The following STXBP5L variants were observed in gnomAD, a reference collection of about 807,000 sequenced individuals.
The protein encoded by STXBP5L is syntaxin binding protein 5L.
A neutral mutation model predicts 144.5 loss-of-function variants in STXBP5L; 65 were observed. The ratio of observed to expected loss-of-function variants is 0.45; its 90% confidence interval spans 0.37 to 0.55. STXBP5L has a LOEUF of 0.55. Ranked by LOEUF, STXBP5L falls within the 20% of genes least tolerant of loss-of-function variation. The pLI, the probability that STXBP5L is intolerant of heterozygous loss-of-function variation, is 0.00. For synonymous variants in STXBP5L, 505 were observed against 469.6 expected, an observed-to-expected ratio of 1.08 and a Z score of -0.97; for missense variants, 1,298 against 1,405.5, an observed-to-expected ratio of 0.92 and a Z score of 1.22.
chr3:121,366,559 C>T (rs970652369), intron 20 of STXBP5L, among the ~76,000 whole-genome samples: 7 of 151,954 alleles, frequency 4.6e-5, no homozygotes, highest in African/African-American at 1.7e-4. Context: ...GATATGGCTA[C>T]CCCACTCTGT....
At chr3:121,253,580 T>C (rs2050097348) in intron 15 of STXBP5L, among the ~76,000 whole-genome samples, 3 of 149,860 alleles carry the variant, frequency 2.0e-5, no homozygotes. Flanking sequence ...TTTGCAAATT[T>C]ATATATATAC....
intron 22 of STXBP5L, among the ~76,000 whole-genome samples, chr3:121,402,856 G>T (rs577483020): frequency 2.7e-4 from 41 of 152,038 alleles, no homozygotes; most frequent in Non-Finnish European, 2.6e-4. Context: ...TATAGATGAG[G>T]TCTCACTCTG....
At chr3:121,040,795 A>G (rs562113739) in intron 3 of STXBP5L, among the ~76,000 whole-genome samples, 2 of 152,182 alleles carry the variant, frequency 1.3e-5, no homozygotes, top group South Asian at 2.1e-4. Context: ...CTCGCCTTAT[A>G]TATTTTCTCT....
chr3:121,065,471 T>C (rs377235910), intron 5 of STXBP5L, among the ~76,000 whole-genome samples: 1 of 152,228 alleles, frequency 6.6e-6, no homozygotes, highest in East Asian at 1.9e-4. Context: ...TCTATTGCTA[T>C]ATAACAATGT....
chr3:121,295,847 T>C (rs1037314353), intron 19 of STXBP5L, among the ~76,000 whole-genome samples: 1 of 152,184 alleles, frequency 6.6e-6, no homozygotes, highest in Non-Finnish European at 1.5e-5. Context: ...AATAATTTAG[T>C]AAGCAAAAAT....
In STXBP5L at chr3:121,232,891, G is replaced by A. The variant is rs181678436; in HGVS notation, c.1112-725G>A. Reference sequence around the variant, plus strand: ...GTATGCTCTGACTGGATCCTTCCCTGGTGTGATACCAGGGCTCTATCTGAT... The same window carrying A: ...GTATGCTCTGACTGGATCCTTCCCTAGTGTGATACCAGGGCTCTATCTGAT... On this transcript the variant is annotated intron_variant, in intron 11 of 26. Coordinates refer to ENST00000471454, the MANE Select transcript of STXBP5L (RefSeq NM_001308330.2). Among the ~76,000 whole-genome samples, 551 of 152,198 alleles carry A rather than the reference G, an allele frequency of 3.6e-3. 2 individuals are homozygous for A. Among genetic ancestry groups the A allele is most frequent in the Admixed American group, 9.0e-3 (137 of 15,270 alleles).
intron 3 of STXBP5L, among the ~76,000 whole-genome samples, chr3:120,958,706 C>T (rs1051501783): frequency 1.4e-4 from 22 of 152,120 alleles, no homozygotes; most frequent in Admixed American, 1.0e-3. Flanking sequence ...ATTCAACAGC[C>T]CTTCATGCTA....
At chr3:121,251,472 T>C (rs933464852) in intron 15 of STXBP5L, among the ~76,000 whole-genome samples, 1 of 152,096 alleles carries the variant, frequency 6.6e-6, no homozygotes, top group African/African-American at 2.4e-5. Flanking sequence ...GGAGTTAACA[T>C]TTAGTGTGAG....
chr3:121,246,393 T>C (rs1223695120), intron 14 of STXBP5L, among the ~76,000 whole-genome samples: 1 of 152,144 alleles, frequency 6.6e-6, no homozygotes, highest in Non-Finnish European at 1.5e-5. Flanking sequence ...AGACCACACA[T>C]CTGTAGATGC....
intron 8 of STXBP5L, among the ~76,000 whole-genome samples, chr3:121,153,452 G>T (rs2046002477): frequency 6.6e-6 from 1 of 151,840 alleles, no homozygotes; most frequent in Admixed American, 6.6e-5. Flanking sequence ...ATCTTATATA[G>T]GAAAAGTGCC....
At chr3:121,375,248 T>C (rs1406786626) in intron 20 of STXBP5L, among the ~76,000 whole-genome samples, 1 of 152,130 alleles carries the variant, frequency 6.6e-6, no homozygotes. Flanking sequence ...CATACAGATA[T>C]GGAAAGTTCA....
At chr3:121,310,392 C>T (rs756139961) in intron 19 of STXBP5L, among the ~76,000 whole-genome samples, 5 of 151,880 alleles carry the variant, frequency 3.3e-5, no homozygotes, top group East Asian at 1.9e-4. Flanking sequence ...GGGTGGATCA[C>T]GAGGTCAGGA....
chr3:121,019,863 G>T (rs1016014696), intron 3 of STXBP5L, among the ~76,000 whole-genome samples: 5 of 152,018 alleles, frequency 3.3e-5, no homozygotes, highest in African/African-American at 4.8e-5. Flanking sequence ...ACAAAACAAG[G>T]TTCTTTGACA....
intron 5 of STXBP5L, among the ~76,000 whole-genome samples, chr3:121,066,538 C>T (rs1010060982): frequency 2.0e-5 from 3 of 151,872 alleles, no homozygotes; most frequent in Non-Finnish European, 4.4e-5. Flanking sequence ...TGTTAGATGA[C>T]CCTTGCATTC....
chr3:121,412,933 C>T (rs1396974497), intron 23 of STXBP5L, among the ~76,000 whole-genome samples: 1 of 151,856 alleles, frequency 6.6e-6, no homozygotes, highest in Non-Finnish European at 1.5e-5. Context: ...ACTCAGGAGG[C>T]TGAGGCGTGA....
rs550346367 is a variant in STXBP5L, at chr3:121,026,536, T to C, written c.288-15164T>C. 3.3e-5 allele frequency among the ~76,000 whole-genome samples: 5 copies of C among 152,232 alleles called. No homozygotes were observed. In the South Asian group the frequency reaches 1.0e-3, roughly 32 times the overall value. ...TCTTGTTCACTGATATATCCTCATA[T>C]GTACAACAGTGCTCAATGGTTTGGC... On this transcript the variant is annotated intron_variant, in intron 3 of 26. Transcript: ENST00000471454.
At chr3:121,275,995 T>G (rs900242461) in intron 18 of STXBP5L, among the ~76,000 whole-genome samples, 3 of 152,034 alleles carry the variant, frequency 2.0e-5, no homozygotes, top group African/African-American at 7.2e-5. Context: ...GTCATTTACA[T>G]TAATATACTT....
chr3:121,135,286 T>C (rs2045196034), intron 7 of STXBP5L, among the ~76,000 whole-genome samples: 1 of 152,174 alleles, frequency 6.6e-6, no homozygotes, highest in African/African-American at 2.4e-5. Context: ...TTGTTTGAGT[T>C]CTTTGTAGAT....
intron 5 of STXBP5L, among the ~76,000 whole-genome samples, chr3:121,092,676 G>T (rs2042877650): frequency 6.6e-6 from 1 of 152,228 alleles, no homozygotes; most frequent in Non-Finnish European, 1.5e-5. Flanking sequence ...TTTGGGCTGA[G>T]ACAGTGGGGT....
Sources: gnomAD v4.1 joint callset for allele counts (sites outside exome capture counted in the v4.1 genomes callset) on GRCh38, gnomAD v4.1.1 for gene constraint, MANE v1.5 for transcripts, NCBI Gene and HGNC (gene_info 2026-07-23, HGNC 2026-07-21) for gene names.